Variants in SEPTIN9 observed in about 807,000 individuals in gnomAD.
The protein encoded by SEPTIN9 is septin 9.
In SEPTIN9, 13 loss-of-function variants were observed where a neutral mutation model predicts 56.6. The observed-to-expected ratio is 0.23, with a 90% CI of 0.15 to 0.37. SEPTIN9 has a LOEUF of 0.37. Ranked by LOEUF, SEPTIN9 falls within the 10% of genes least tolerant of loss-of-function variation. The probability of loss-of-function intolerance (pLI) is 1.00; values close to 1 mark genes in which losing one functional copy is unlikely to be tolerated. For missense variants in SEPTIN9, 650 were observed against 823.1 expected (o/e 0.79, Z 2.57); for synonymous variants, 332 against 334.1 (o/e 0.99, Z 0.07).
At chr17:77,396,732 T>C (rs1015243645) in intron 2 of SEPTIN9, among the ~76,000 whole-genome samples, 1 of 152,126 alleles carries the variant, frequency 6.6e-6, no homozygotes, top group Non-Finnish European at 1.5e-5. Flanking sequence ...CAACTCACAA[T>C]GTCCTCCGTG....
At chr17:77,287,963 G>A (rs952932947) in intron 1 of SEPTIN9, 21 of 1,052,928 alleles carry the variant, frequency 2.0e-5, no homozygotes, top group Admixed American at 1.1e-4. Context: ...TCCTCAGAGC[G>A]GTGTTGGCCC....
Position 77,369,585 on chromosome 17 carries a change from A to AG in SEPTIN9, c.77-32471dup, listed in dbSNP as rs1192747542. Among the ~76,000 whole-genome samples the AG allele has an allele frequency of 6.6e-6, 1 of 152,202 alleles. No homozygotes were observed. Among genetic ancestry groups the AG allele is most frequent in the Non-Finnish European group, 1.5e-5 (1 of 68,042 alleles). ...GGAAGGCTCTGCCACTGACGGACCC[A>AG]GGGCTCGGCAGCTCTGGGAGGCCTA... On this transcript the variant is annotated intron_variant, in intron 2 of 11. Transcript: ENST00000427177. This position sits in a 1 kb window ranked among gnomAD's most constrained non-coding sequence, Gnocchi z 4.9.
chr17:77,303,178 G>A (rs889891101), intron 1 of SEPTIN9, among the ~76,000 whole-genome samples: 1 of 151,750 alleles, frequency 6.6e-6, no homozygotes. Context: ...TCGGCTCACT[G>A]CAACCTCCGT....
chr17:77,425,752 C>A lies in SEPTIN9; in HGVS notation c.721+23049C>A, dbSNP rs576691531. Among the ~76,000 whole-genome samples the A allele has an allele frequency of 2.0e-5, 3 of 151,418 alleles. No homozygotes were observed. The highest frequency in any genetic ancestry group is 7.3e-5 in the African/African-American group (3 of 41,052). On this transcript the variant is annotated intron_variant, in intron 3 of 11. Transcript: ENST00000427177. The surrounding 1 kb of genome is among the most constrained non-coding windows in gnomAD (Gnocchi z 4.2). Reference sequence around the variant, plus strand: ...GGAAGCTGCCCCCCGCTCATCTACCCCCCAACCCTCCCAGCCAGCAGAGTT... The same window carrying A: ...GGAAGCTGCCCCCCGCTCATCTACCACCCAACCCTCCCAGCCAGCAGAGTT...
intron 3 of SEPTIN9, among the ~76,000 whole-genome samples, chr17:77,439,317 A>C (rs1260172006): frequency 6.6e-6 from 1 of 152,024 alleles, no homozygotes; most frequent in African/African-American, 2.4e-5. Flanking sequence ...TTCCTGCAGG[A>C]ACCAGGTGAC....
At position 77,492,525 on chromosome 17, in the gene SEPTIN9, G is replaced by A; in HGVS notation, c.1381-96G>A. ...AGAGCCTGCCCTTGAACCCGAGCCT[G>A]GGGCAGCACACAGTGTGGAGGTCAT... On this transcript the variant is annotated intron_variant, in intron 8 of 11. Transcript: ENST00000427177. The surrounding 1 kb of genome is among the most constrained non-coding windows in gnomAD (Gnocchi z 5.4). The A allele has an allele frequency of 1.8e-6, 2 of 1,108,238 alleles. No individual in the cohort carries two copies. Among genetic ancestry groups the A allele is most frequent in the South Asian group, 1.2e-5 (1 of 80,864 alleles). The allele number at this position is 1,108,238 out of a possible 1,614,324, so 68.7% of individuals were successfully genotyped here. A position where few individuals can be genotyped will look rare whatever the true frequency, so the allele number is the denominator to read the frequency against.
intron 2 of SEPTIN9, among the ~76,000 whole-genome samples, chr17:77,399,254 G>T (rs1384955984): frequency 6.6e-6 from 1 of 152,206 alleles, no homozygotes; most frequent in East Asian, 1.9e-4. Context: ...ACTCCAAGGG[G>T]ACTCCCAAGG....
intron 2 of SEPTIN9, among the ~76,000 whole-genome samples, chr17:77,348,503 C>T (rs1260755047): frequency 1.3e-5 from 2 of 151,926 alleles, no homozygotes; most frequent in African/African-American, 2.4e-5. Context: ...TTTCACCATG[C>T]TGGCCAGGCT....
At chr17:77,427,403 G>T (rs1026402564) in intron 3 of SEPTIN9, among the ~76,000 whole-genome samples, 2 of 152,228 alleles carry the variant, frequency 1.3e-5, no homozygotes, top group Non-Finnish European at 2.9e-5. Context: ...CCATGACAGG[G>T]TGAGTTCCAG....
chr17:77,339,603 G>A (rs1251741969), intron 2 of SEPTIN9, among the ~76,000 whole-genome samples: 4 of 151,594 alleles, frequency 2.6e-5, no homozygotes, highest in Non-Finnish European at 4.4e-5. Context: ...TCTGCCTCCC[G>A]GGTTCAAGTG....
Position 77,404,484 on chromosome 17 carries a change from A to G in SEPTIN9, c.721+1781A>G, listed in dbSNP as rs368436777. Among the ~76,000 whole-genome samples the G allele has an allele frequency of 2.1e-3, 316 of 152,316 alleles. 12 individuals are homozygous for G. The South Asian group carries it at 0.053, about 26-fold the overall frequency. ...GCTGGTCTCAAACTCCTGGGTTCAA[A>G]TGAGCCTCCTGCCTCGGCCTCCCAA... On this transcript the variant is annotated intron_variant, in intron 3 of 11. Coordinates refer to ENST00000427177, the MANE Select transcript of SEPTIN9 (RefSeq NM_001113491.2).
At chr17:77,399,662 G>A (rs1167288184) in intron 2 of SEPTIN9, among the ~76,000 whole-genome samples, 1 of 152,130 alleles carries the variant, frequency 6.6e-6, no homozygotes, top group Non-Finnish European at 1.5e-5. Flanking sequence ...GATGTGATGA[G>A]CTTGGTAAGC....
chr17:77,282,437 A>G lies in SEPTIN9; in HGVS notation c.19+883A>G, dbSNP rs78072886. 3.2e-3 allele frequency among the ~76,000 whole-genome samples: 487 copies of G among 152,126 alleles called. 7 individuals are homozygous for G. The highest frequency in any genetic ancestry group is 0.011 in the African/African-American group (462 of 41,484). On this transcript the variant is annotated intron_variant, in intron 1 of 11. Coordinates refer to ENST00000427177, the MANE Select transcript of SEPTIN9 (RefSeq NM_001113491.2). The stretch of plus-strand genomic sequence containing the variant: ...TTGTTTAATGTCCCTCCTTTAATTC[A>G]TTCAGATAGAAAGGTACCTGCCAAG...
At chr17:77,348,564 T>G (rs1397412602) in intron 2 of SEPTIN9, among the ~76,000 whole-genome samples, 1 of 152,180 alleles carries the variant, frequency 6.6e-6, no homozygotes, top group African/African-American at 2.4e-5. Flanking sequence ...CCTCCCAAAG[T>G]GCTGGGATTA....
intron 3 of SEPTIN9, among the ~76,000 whole-genome samples, chr17:77,480,946 C>G (rs1027261107): frequency 6.6e-6 from 1 of 152,192 alleles, no homozygotes; most frequent in Non-Finnish European, 1.5e-5. Context: ...AAGGGCAGCT[C>G]CAGCCTGTGG....
chr17:77,479,710 C>A (rs928274558), intron 3 of SEPTIN9, among the ~76,000 whole-genome samples: 1 of 142,524 alleles, frequency 7.0e-6, no homozygotes, highest in Non-Finnish European at 1.5e-5. Context: ...GCGTTGGGGG[C>A]GAGAAAGGAG....
Position 77,445,693 on chromosome 17 carries a change from G to A in SEPTIN9, c.722-36451G>A. 1 of 323,300 alleles carries A rather than the reference G, an allele frequency of 3.1e-6. No homozygotes were observed. Among genetic ancestry groups the A allele is most frequent in the Non-Finnish European group, 6.4e-6 (1 of 156,236 alleles). The allele number at this position is 323,300 out of a possible 1,614,324, so 20.0% of individuals were successfully genotyped here. A position where few individuals can be genotyped will look rare whatever the true frequency, so the allele number is the denominator to read the frequency against. Reference sequence around the variant, plus strand: ...CTGTTCTGGGCTCTTCTCCCAGTTGGCTGAGTTGGAGGTGGGAGTCCCAAC... The same window carrying A: ...CTGTTCTGGGCTCTTCTCCCAGTTGACTGAGTTGGAGGTGGGAGTCCCAAC... On this transcript the variant is annotated intron_variant, in intron 3 of 11. Transcript: ENST00000427177. The surrounding 1 kb of genome is among the most constrained non-coding windows in gnomAD (Gnocchi z 4.7).
At chr17:77,360,577 T>C (rs7214580) in intron 2 of SEPTIN9, among the ~76,000 whole-genome samples, 1 of 94,744 alleles carries the variant, frequency 1.1e-5, no homozygotes, top group Non-Finnish European at 2.5e-5. Context: ...GTTTCTTTTT[T>C]TTTTTGAGAC....
At chr17:77,414,283 G>GACC (rs952227071) in intron 3 of SEPTIN9, among the ~76,000 whole-genome samples, 1 of 151,712 alleles carries the variant, frequency 6.6e-6, no homozygotes, top group African/African-American at 2.4e-5. Context: ...TCTCCATGTT[G>GACC]AGGCTGGTCT....
Sources: allele counts gnomAD v4.1 joint callset (sites outside exome capture counted in the v4.1 genomes callset), GRCh38; gene constraint gnomAD v4.1.1; non-coding constraint Gnocchi (gnomAD v3.1); transcripts MANE v1.5; gene names NCBI Gene and HGNC (gene_info 2026-07-23, HGNC 2026-07-21).